NAALADL2: variants seen among roughly 807,000 people sequenced by gnomAD.
The protein encoded by NAALADL2 is N-acetylated alpha-linked acidic dipeptidase like 2.
In NAALADL2, 76 loss-of-function variants were observed where a neutral mutation model predicts 87.2. The observed-to-expected ratio is 0.87, with a 90% CI of 0.72 to 1.05. The LOEUF (loss-of-function observed/expected upper bound fraction) is 1.05, where lower values mean the gene tolerates loss of function less well. Among genes scored for constraint, NAALADL2 ranks in the 50% least tolerant of loss-of-function variants. The pLI, the probability that NAALADL2 is intolerant of heterozygous loss-of-function variation, is 0.00. For missense variants in NAALADL2, 1,089 were observed against 945.8 expected (o/e 1.15, Z -1.99); for synonymous variants, 354 against 331.0 (o/e 1.07, Z -0.75).
At chr3:175,235,667 G>A (rs1201661584) in intron 3 of NAALADL2, 1 of 152,194 alleles carries the variant, frequency 6.6e-6, no homozygotes, top group African/African-American at 2.4e-5. Flanking sequence ...CTTTATCCCA[G>A]TTGGCTCAGC....
chr3:174,559,109 A>G (rs1713243949), intron 2 of NAALADL2, among the ~76,000 whole-genome samples: 1 of 152,122 alleles, frequency 6.6e-6, no homozygotes, highest in African/African-American at 2.4e-5. Flanking sequence ...TATCCCTGGA[A>G]AGGGTGCTAA....
intron 1 of NAALADL2, among the ~76,000 whole-genome samples, chr3:174,493,548 A>G (rs898823081): frequency 3.3e-5 from 5 of 152,198 alleles, no homozygotes; most frequent in African/African-American, 1.2e-4. Context: ...TTTTTAAGCC[A>G]CACAGTCTGT....
intron 2 of NAALADL2, among the ~76,000 whole-genome samples, chr3:174,728,062 T>G (rs1732370935): frequency 6.6e-6 from 1 of 152,112 alleles, no homozygotes; most frequent in Admixed American, 6.6e-5. Context: ...TCAGTTTTTT[T>G]TAGTACTGAA....
rs139229550 is a variant in NAALADL2, at chr3:175,011,280, CAGAGAGAGAGAGAGAGAG to C, written c.44-85486_44-85469del. On this transcript the variant is annotated intron_variant, in intron 1 of 13. Coordinates refer to ENST00000454872, the MANE Select transcript of NAALADL2 (RefSeq NM_207015.3). Reference sequence around the variant, plus strand: ...AGAGAGAGGGAGAGAGACAGAGAGACAGAGAGAGAGAGAGAGAGAGAGAGAGAGAGAGAGAGAGAGACT... The same window carrying C: ...AGAGAGAGGGAGAGAGACAGAGAGACAGAGAGAGAGAGAGAGAGAGAGACT... Among the ~76,000 whole-genome samples, 40 of 113,560 alleles carry C rather than the reference CAGAGAGAGAGAGAGAGAG, an allele frequency of 3.5e-4. No individual in the cohort carries two copies. The South Asian group carries it at 7.6e-3, about 22-fold the overall frequency. The allele number at this position is 113,560 out of a possible 152,430, so 74.5% of individuals were successfully genotyped here.
chr3:175,017,168 C>CT (rs113499944), intron 1 of NAALADL2, among the ~76,000 whole-genome samples: 177 of 148,704 alleles, frequency 1.2e-3, no homozygotes, highest in African/African-American at 3.5e-3. Flanking sequence ...CATTGCTTTT[C>CT]TTTTTTTTTT....
At chr3:174,508,190 T>A (rs1436059636) in intron 1 of NAALADL2, among the ~76,000 whole-genome samples, 3 of 145,482 alleles carry the variant, frequency 2.1e-5, no homozygotes, top group African/African-American at 7.6e-5. Flanking sequence ...TTCGGCTCAC[T>A]GCAAGCTCCG....
intron 10 of NAALADL2, among the ~76,000 whole-genome samples, chr3:175,624,752 A>T (rs887878719): frequency 3.2e-4 from 49 of 152,020 alleles, no homozygotes; most frequent in African/African-American, 1.1e-3. Flanking sequence ...CATCAAATGG[A>T]TGTATTTTAT....
chr3:175,505,928 C>T (rs769202020), intron 9 of NAALADL2, among the ~76,000 whole-genome samples: 1 of 152,092 alleles, frequency 6.6e-6, no homozygotes, highest in African/African-American at 2.4e-5. Context: ...TTTCCTTCTC[C>T]TTCTGGGTTC....
intron 2 of NAALADL2, among the ~76,000 whole-genome samples, chr3:174,618,339 C>G (rs1033466359): frequency 1.3e-5 from 2 of 151,592 alleles, no homozygotes; most frequent in Non-Finnish European, 1.5e-5. Flanking sequence ...TGTATTGTGG[C>G]AAAAAGATAC....
intron 5 of NAALADL2, among the ~76,000 whole-genome samples, chr3:175,377,755 G>A (rs192647274): frequency 6.6e-6 from 1 of 152,268 alleles, no homozygotes; most frequent in Admixed American, 6.5e-5. Flanking sequence ...AGGAGCAGCT[G>A]GACATCAGAG....
At chr3:174,526,211 A>G (rs1007682508) in intron 1 of NAALADL2, among the ~76,000 whole-genome samples, 1 of 152,080 alleles carries the variant, frequency 6.6e-6, no homozygotes, top group African/African-American at 2.4e-5. Context: ...CCCTCTTGCC[A>G]ATGGTGATAT....
intron 2 of NAALADL2, among the ~76,000 whole-genome samples, chr3:174,595,519 A>G (rs1047221179): frequency 6.6e-6 from 1 of 152,146 alleles, no homozygotes; most frequent in Non-Finnish European, 1.5e-5. Flanking sequence ...GCTATCCTGG[A>G]AATTAGTGGT....
intron 3 of NAALADL2, among the ~76,000 whole-genome samples, chr3:174,849,734 C>CAAAAAAAAAAAAAAAAA: frequency 1.6e-5 from 1 of 62,802 alleles, no homozygotes; most frequent in African/African-American, 5.8e-5. Context: ...GACTCTGACT[C>CAAAAAAAAAAAAAAAAA]AAAAAAAAAA....
chr3:175,698,392 C>T (rs184444090), intron 11 of NAALADL2, among the ~76,000 whole-genome samples: 1,238 of 77,556 alleles, frequency 0.016, 37 homozygotes, highest in East Asian at 0.037. Context: ...TGTATGTATA[C>T]ATATGTATGT....
At chr3:175,314,665 ACTATATATATAT>A (rs1758831000) in intron 4 of NAALADL2, among the ~76,000 whole-genome samples, 1 of 24,026 alleles carries the variant, frequency 4.2e-5, no homozygotes, top group Non-Finnish European at 7.7e-5. Flanking sequence ...TATAGTTCTA[ACTATATATATAT>A]ATATATATAT....
chr3:175,538,391 A>T (rs1411883844), intron 9 of NAALADL2, among the ~76,000 whole-genome samples: 1 of 152,090 alleles, frequency 6.6e-6, no homozygotes, highest in Non-Finnish European at 1.5e-5. Flanking sequence ...TTAAAAAAAA[A>T]AAGTGTATTT....
chr3:174,559,172 T>A (rs533530452), intron 2 of NAALADL2, among the ~76,000 whole-genome samples: 5 of 152,196 alleles, frequency 3.3e-5, no homozygotes, highest in African/African-American at 1.2e-4. Flanking sequence ...CTATGCAAAC[T>A]TAATCCCAAA....
chr3:175,320,033 G>A (rs1759646385), intron 4 of NAALADL2, among the ~76,000 whole-genome samples: 1 of 152,110 alleles, frequency 6.6e-6, no homozygotes, highest in Admixed American at 6.6e-5. Flanking sequence ...GTGAAGTATG[G>A]TTGTTAACTA....
At chr3:174,994,095 G>A (rs1747104205) in intron 1 of NAALADL2, among the ~76,000 whole-genome samples, 1 of 152,200 alleles carries the variant, frequency 6.6e-6, no homozygotes, top group African/African-American at 2.4e-5. Context: ...CACATTCACA[G>A]CTTCTGGATA....
Sources: allele counts gnomAD v4.1 joint callset (sites outside exome capture counted in the v4.1 genomes callset), GRCh38; gene constraint gnomAD v4.1.1; transcripts MANE v1.5; gene names NCBI Gene and HGNC (gene_info 2026-07-23, HGNC 2026-07-21).